Variants in DCDC2 observed in about 807,000 individuals in gnomAD.
DCDC2 encodes the protein doublecortin domain containing 2, also known as doublecortin domain-containing protein 2.
A neutral mutation model predicts 50.2 loss-of-function variants in DCDC2; 40 were observed. The ratio of observed to expected loss-of-function variants is 0.80; its 90% CI spans 0.62 to 1.04. The LOEUF is 1.04. DCDC2 is among the 50% of genes least tolerant of loss of function. The probability of loss-of-function intolerance (pLI) is 0.00; values close to 1 mark genes in which losing one functional copy is unlikely to be tolerated. For synonymous variants in DCDC2, 234 were observed against 210.6 expected (o/e 1.11, Z -0.96); for missense variants, 570 against 581.9 (o/e 0.98, Z 0.21).
upstream of DCDC2, among the ~76,000 whole-genome samples, chr6:24,362,626 G>T (rs1307450560): frequency 6.6e-6 from 1 of 151,680 alleles, no homozygotes; most frequent in Non-Finnish European, 1.5e-5. Flanking sequence ...TGCCTCACAC[G>T]CCAGAACAAG....
At chr6:24,293,842 C>T (rs1763802762) in intron 4 of DCDC2, among the ~76,000 whole-genome samples, 1 of 152,142 alleles carries the variant, frequency 6.6e-6, no homozygotes, top group African/African-American at 2.4e-5. Context: ...CCTCAGATCG[C>T]AGCACAATAA....
At chr6:24,207,256 T>TCTCTCTCTC (rs1761735602) in intron 7 of DCDC2, among the ~76,000 whole-genome samples, 28 of 129,686 alleles carry the variant, frequency 2.2e-4, no homozygotes, top group Non-Finnish European at 3.4e-4. Context: ...CCATCTATCT[T>TCTCTCTCTC]TCTCTCTCTC....
intron 8 of DCDC2, among the ~76,000 whole-genome samples, chr6:24,181,048 G>T (rs1045109445): frequency 6.6e-6 from 1 of 152,174 alleles, no homozygotes; most frequent in Non-Finnish European, 1.5e-5. Context: ...TTGTCATTAT[G>T]CAGATTAAAA....
the DCDC2 span, among the ~76,000 whole-genome samples, chr6:24,380,498 G>A: frequency 5.9e-5 from 9 of 152,158 alleles, no homozygotes; most frequent in Non-Finnish European, 1.3e-4. Flanking sequence ...GAGATTTTAC[G>A]AGAGAGTTCC....
chr6:24,236,296 A>C (rs1284549839), intron 7 of DCDC2, among the ~76,000 whole-genome samples: 1 of 152,228 alleles, frequency 6.6e-6, no homozygotes, highest in Non-Finnish European at 1.5e-5. Context: ...TAGCCATCTG[A>C]TCTTTGACAA....
upstream of DCDC2, among the ~76,000 whole-genome samples, chr6:24,359,626 G>GTGACTCA (rs1454306786): frequency 7.9e-5 from 11 of 139,184 alleles, no homozygotes; most frequent in African/African-American, 3.0e-4. Flanking sequence ...TCCGGGTACC[G>GTGACTCA]TGACTCATGC....
At chr6:24,212,996 TC>T (rs1452948761) in intron 7 of DCDC2, among the ~76,000 whole-genome samples, 2 of 152,198 alleles carry the variant, frequency 1.3e-5, no homozygotes, top group African/African-American at 4.8e-5. Flanking sequence ...TTTCAATTTA[TC>T]AGTACTTCAG....
In DCDC2 at chr6:24,215,314, A is replaced by G. The variant is rs919839773; in HGVS notation, c.923-10212T>C. On this transcript the variant is annotated intron_variant, in intron 7 of 9. Coordinates refer to ENST00000378454, the MANE Select transcript of DCDC2 (RefSeq NM_016356.5). ...GTGGCTGCAGCAAGGCTGTAGGGAT[A>G]AGGAGTGGCTGGGTATAAGGCTGTC... Among the ~76,000 whole-genome samples, 9 of 152,316 alleles carry G rather than the reference A, an allele frequency of 5.9e-5. No individual in the cohort carries two copies. The East Asian group carries it at 1.2e-3, about 20-fold the overall frequency.
At chr6:24,269,218 T>C (rs952068772) in intron 7 of DCDC2, among the ~76,000 whole-genome samples, 1 of 152,214 alleles carries the variant, frequency 6.6e-6, no homozygotes, top group African/African-American at 2.4e-5. Context: ...TATTTAGTAA[T>C]TGTCCCAGAC....
At chr6:24,331,560 A>G (rs1759965963) in intron 2 of DCDC2, among the ~76,000 whole-genome samples, 2 of 152,176 alleles carry the variant, frequency 1.3e-5, no homozygotes, top group Admixed American at 6.6e-5. Context: ...AATTATATTT[A>G]GAATTAACCT....
the DCDC2 span, among the ~76,000 whole-genome samples, chr6:24,382,009 A>AGGAAGGCAGGC: frequency 8.6e-6 from 1 of 116,436 alleles, no homozygotes; most frequent in African/African-American, 3.6e-5. Context: ...GGAAGGAAGG[A>AGGAAGGCAGGC]AGGCAGGCAA....
chr6:24,199,681 C>A (rs1018431480), intron 8 of DCDC2, among the ~76,000 whole-genome samples: 1 of 151,758 alleles, frequency 6.6e-6, no homozygotes, highest in Non-Finnish European at 1.5e-5. Flanking sequence ...TTGACAGAAG[C>A]AGGCTTCAGA....
chr6:24,363,085 T>G, the DCDC2 span, among the ~76,000 whole-genome samples: 3 of 152,038 alleles, frequency 2.0e-5, no homozygotes, highest in African/African-American at 4.8e-5. Flanking sequence ...AGAACACACA[T>G]AGGAAAGGAG....
intron 8 of DCDC2, among the ~76,000 whole-genome samples, chr6:24,187,546 T>C (rs971697291): frequency 6.6e-6 from 1 of 152,148 alleles, no homozygotes; most frequent in African/African-American, 2.4e-5. Flanking sequence ...TGAACATAAA[T>C]TGCTATTGAG....
At chr6:24,186,999 G>T (rs1044626764) in intron 8 of DCDC2, among the ~76,000 whole-genome samples, 7 of 152,152 alleles carry the variant, frequency 4.6e-5, no homozygotes, top group Non-Finnish European at 1.0e-4. Context: ...CCAGAGCTGT[G>T]AGAAAATAAA....
At chr6:24,359,213 A>ATT (rs1561789214), upstream of DCDC2, among the ~76,000 whole-genome samples, 9 of 73,278 alleles carry the variant, frequency 1.2e-4, no homozygotes, top group South Asian at 4.2e-4. Flanking sequence ...TATTTTATAT[A>ATT]TTATATATTT....
At chr6:24,288,421 T>A (rs1171904448) in intron 6 of DCDC2, among the ~76,000 whole-genome samples, 3 of 152,252 alleles carry the variant, frequency 2.0e-5, no homozygotes, top group African/African-American at 7.2e-5. Flanking sequence ...AAGATTCAGA[T>A]GGCAAACTAA....
intron 7 of DCDC2, among the ~76,000 whole-genome samples, chr6:24,240,895 T>C (rs761615303): frequency 7.9e-5 from 12 of 152,196 alleles, no homozygotes; most frequent in Non-Finnish European, 1.2e-4. Flanking sequence ...AACAAGATAA[T>C]GGGCTCCTGG....
At chr6:24,341,025 C>T (rs62400450) in intron 2 of DCDC2, among the ~76,000 whole-genome samples, 3,128 of 152,254 alleles carry the variant, frequency 0.021, 37 homozygotes, top group Non-Finnish European at 0.032. Context: ...GGAACCTGGC[C>T]ATTATCTAAA....
Sources: allele counts gnomAD v4.1 joint callset (sites outside exome capture counted in the v4.1 genomes callset), GRCh38; gene constraint gnomAD v4.1.1; transcripts MANE v1.5; gene names NCBI Gene and HGNC (gene_info 2026-07-23, HGNC 2026-07-21).